The following PGM5 variants were observed in gnomAD, a reference collection of about 807,000 sequenced individuals.
PGM5 encodes the protein phosphoglucomutase-like protein 5.
Under a neutral mutation model 59.2 loss-of-function variants are expected in PGM5, and 23 were observed. The ratio of observed to expected loss-of-function variants is 0.39; its 90% CI spans 0.28 to 0.55. PGM5 has a LOEUF of 0.55. PGM5 is among the 20% of genes least tolerant of loss of function. The probability of loss-of-function intolerance (pLI) is 0.66; values close to 1 mark genes in which losing one functional copy is unlikely to be tolerated. For missense variants in PGM5, 574 were observed against 748.3 expected, an observed-to-expected ratio of 0.77 and a Z score of 2.72; for synonymous variants, 214 against 286.0, an observed-to-expected ratio of 0.75 and a Z score of 2.54.
intron 6 of PGM5, among the ~76,000 whole-genome samples, chr9:68,435,154 C>G (rs906241005): frequency 3.3e-5 from 5 of 152,192 alleles, no homozygotes; most frequent in South Asian, 2.1e-4. Context: ...AAGGAGAGCC[C>G]CTCCCTTTTA....
chr9:68,457,261 T>C (rs1403292917), intron 6 of PGM5, among the ~76,000 whole-genome samples: 2 of 152,220 alleles, frequency 1.3e-5, no homozygotes, highest in Non-Finnish European at 2.9e-5. Context: ...ACTTATAGAA[T>C]ATTCTGCCCA....
intron 6 of PGM5, chr9:68,394,482 A>T (rs1554679801): frequency 6.6e-6 from 1 of 152,176 alleles, no homozygotes; most frequent in African/African-American, 2.4e-5. Flanking sequence ...TCTCAACAAC[A>T]ACAACAAAAA....
intron 1 of PGM5, among the ~76,000 whole-genome samples, chr9:68,376,552 C>T (rs1402620235): frequency 1.4e-5 from 2 of 146,996 alleles, no homozygotes; most frequent in African/African-American, 2.5e-5. Context: ...CTTTTTTTCC[C>T]CTGATCTCGC....
chr9:68,478,401 T>G (rs1554686846), intron 7 of PGM5, among the ~76,000 whole-genome samples: 1 of 152,240 alleles, frequency 6.6e-6, no homozygotes, highest in Non-Finnish European at 1.5e-5. Context: ...ATGTCTGACT[T>G]CTTCTCAGGG....
At chr9:68,486,737 A>T (rs185602596) in intron 9 of PGM5, among the ~76,000 whole-genome samples, 1 of 152,318 alleles carries the variant, frequency 6.6e-6, no homozygotes, top group African/African-American at 2.4e-5. Context: ...GTGGACATCC[A>T]TCTACAAGTT....
chr9:68,401,495 T>C (rs1286456841), intron 6 of PGM5, among the ~76,000 whole-genome samples: 37 of 152,166 alleles, frequency 2.4e-4, no homozygotes, highest in African/African-American at 8.4e-4. Flanking sequence ...CCCTTCTTGG[T>C]CTAAACAAGT....
Position 68,417,557 on chromosome 9 carries a change from T to C in PGM5, c.1043+25084T>C, listed in dbSNP as rs1172499615. Among the ~76,000 whole-genome samples, 5 of 152,162 alleles carry C rather than the reference T, an allele frequency of 3.3e-5. No individual in the cohort carries two copies. In the East Asian group the frequency reaches 7.7e-4, roughly 23 times the overall value. ...ATCATTCAGGGTGATATTCAAAATA[T>C]AGGATAGGCATTTTTAACCCCAAAG... On this transcript the variant is annotated intron_variant, in intron 6 of 10. Coordinates refer to ENST00000396396, the MANE Select transcript of PGM5 (RefSeq NM_021965.4).
chr9:68,479,359 T>A, intron 7 of PGM5, 59 bp from the exon 8 acceptor site: 1 of 1,532,782 alleles, frequency 6.5e-7, no homozygotes, highest in Non-Finnish European at 8.8e-7. Flanking sequence ...CTTAATTCAT[T>A]TAGCTTTTGC....
chr9:68,357,762 A>G, intron 1 of PGM5: 1 of 288,000 alleles, frequency 3.5e-6, no homozygotes, highest in Non-Finnish European at 6.6e-6. Flanking sequence ...AGTTTTCCAT[A>G]TTGTTCCCAA....
chr9:68,434,345 AG>A (rs1350125094), intron 6 of PGM5, among the ~76,000 whole-genome samples: 3 of 151,466 alleles, frequency 2.0e-5, no homozygotes, highest in Non-Finnish European at 4.4e-5. Context: ...AAAAAGAAAA[AG>A]AAAAAAAGAA....
At chr9:68,476,037 T>C (rs540679022) in intron 7 of PGM5, among the ~76,000 whole-genome samples, 22 of 152,296 alleles carry the variant, frequency 1.4e-4, no homozygotes, top group African/African-American at 5.3e-4. Flanking sequence ...ATCAAAACAA[T>C]ATTTTTCCAA....
At chr9:68,527,032 T>A (rs1234563085) in intron 10 of PGM5, among the ~76,000 whole-genome samples, 1 of 152,186 alleles carries the variant, frequency 6.6e-6, no homozygotes, top group African/African-American at 2.4e-5. Flanking sequence ...GTCACGGACA[T>A]CTAGTGAGCT....
chr9:68,397,144 G>C (rs1415298036), intron 6 of PGM5: 1 of 152,740 alleles, frequency 6.5e-6, no homozygotes, highest in Admixed American at 6.5e-5. Flanking sequence ...GAATGTGTCT[G>C]ATTTGTGGTT....
At chr9:68,516,536 C>G (rs1321649627) in intron 10 of PGM5, among the ~76,000 whole-genome samples, 1 of 152,212 alleles carries the variant, frequency 6.6e-6, no homozygotes, top group African/African-American at 2.4e-5. Flanking sequence ...GAACTCTTCT[C>G]CCGGAGAAGC....
chr9:68,479,389 G>A, intron 7 of PGM5, 29 bp from the exon 8 acceptor site: 1 of 1,587,458 alleles, frequency 6.3e-7, no homozygotes, highest in Non-Finnish European at 8.5e-7. Context: ...ACAAATGAAT[G>A]CTCAGCAGAA....
chr9:68,463,505 G>A (rs1217826672), intron 6 of PGM5, among the ~76,000 whole-genome samples: 3 of 152,126 alleles, frequency 2.0e-5, no homozygotes, highest in Non-Finnish European at 4.4e-5. Flanking sequence ...GAGACAGGAT[G>A]GTGTAATGGA....
At chr9:68,466,270 G>GGT in intron 7 of PGM5, 31 of 558,406 alleles carry the variant, frequency 5.6e-5, no homozygotes, top group Non-Finnish European at 6.9e-5. Flanking sequence ...GATACTGTGT[G>GGT]TTTTTTTTTT....
intron 10 of PGM5, among the ~76,000 whole-genome samples, chr9:68,503,234 C>A (rs1434751347): frequency 2.0e-5 from 3 of 152,100 alleles, no homozygotes; most frequent in African/African-American, 4.8e-5. Flanking sequence ...AGGGTTACAC[C>A]CCAATAAACC....
At chr9:68,439,247 C>T (rs1823488431) in intron 6 of PGM5, among the ~76,000 whole-genome samples, 1 of 151,750 alleles carries the variant, frequency 6.6e-6, no homozygotes, top group South Asian at 2.1e-4. Flanking sequence ...CACCTGTGAT[C>T]CCAGCTACTT....
Sources: allele counts gnomAD v4.1 joint callset (sites outside exome capture counted in the v4.1 genomes callset), GRCh38; gene constraint gnomAD v4.1.1; transcripts MANE v1.5; gene names NCBI Gene and HGNC (gene_info 2026-07-23, HGNC 2026-07-21).